The following PIK3CD variants were observed in gnomAD, a reference collection of about 807,000 sequenced individuals.
PIK3CD encodes the protein phosphatidylinositol-4,5-bisphosphate 3-kinase catalytic subunit delta.
PIK3CD carries 20 observed loss-of-function variants against 122.9 expected under a neutral mutation model. The observed-to-expected ratio is 0.16, with a 90% CI of 0.11 to 0.24. The LOEUF (loss-of-function observed/expected upper bound fraction) is 0.24. Among genes scored for constraint, PIK3CD ranks in the 10% least tolerant of loss-of-function variants. PIK3CD has a pLI of 1.00. For missense variants in PIK3CD, 787 were observed against 1,406.3 expected, an observed-to-expected ratio of 0.56 and a Z score of 7.04; for synonymous variants, 596 against 593.4, an observed-to-expected ratio of 1.00 and a Z score of -0.06.
chr1:9,722,611 G>A lies in PIK3CD; in HGVS notation c.2426+5G>A. On this transcript the variant is annotated splice_donor_5th_base_variant and intron_variant, in intron 19 of 23. Coordinates refer to ENST00000377346, the MANE Select transcript of PIK3CD (RefSeq NM_005026.5). This position sits in a 1 kb window ranked among gnomAD's most constrained non-coding sequence, Gnocchi z 7.6. ...GCAGGAGGGGCTGGACCTGAGGTGAGGACCCCCACCCCACATCGTCCCTTG... is the reference window on the plus strand; with the variant it reads ...GCAGGAGGGGCTGGACCTGAGGTGAAGACCCCCACCCCACATCGTCCCTTG... 1 of 1,611,594 alleles carries A rather than the reference G, an allele frequency of 6.2e-7. No homozygotes were observed. Among genetic ancestry groups the A allele is most frequent in the Non-Finnish European group, 8.5e-7 (1 of 1,178,068 alleles).
chr1:9,649,414 G>A (rs1254973438), upstream of PIK3CD, among the ~76,000 whole-genome samples: 1 of 151,824 alleles, frequency 6.6e-6, no homozygotes, highest in African/African-American at 2.4e-5. Context: ...CTATTTTTTT[G>A]TAGAGACTGG....
At chr1:9,705,179 C>G (rs2100692485) in intron 2 of PIK3CD, among the ~76,000 whole-genome samples, 1 of 152,170 alleles carries the variant, frequency 6.6e-6, no homozygotes, top group African/African-American at 2.4e-5. Flanking sequence ...TTAAAAACTT[C>G]TACTCACCAG....
chr1:9,718,672 A>G lies in PIK3CD; in HGVS notation c.1021-22A>G. ...GGGCTGGGCCTCTGCCTCCTCACCCATCATCCCGGCACCTTCTACAGCTGG... is the reference window on the plus strand; with the variant it reads ...GGGCTGGGCCTCTGCCTCCTCACCCGTCATCCCGGCACCTTCTACAGCTGG... On this transcript the variant is annotated intron_variant, in intron 8 of 23. Transcript: ENST00000377346. The surrounding 1 kb of genome is among the most constrained non-coding windows in gnomAD (Gnocchi z 7.2). 1.3e-6 allele frequency: 2 copies of G among 1,599,076 alleles called. No individual in the cohort carries two copies. The highest frequency in any genetic ancestry group is 2.2e-5 in the South Asian group (2 of 91,008).
chr1:9,720,709 A>G lies in PIK3CD; in HGVS notation c.1522-33A>G. The G allele has an allele frequency of 6.3e-7, 1 of 1,599,288 alleles. No homozygotes were observed. Among genetic ancestry groups the G allele is most frequent in the Non-Finnish European group, 8.5e-7 (1 of 1,175,104 alleles). On this transcript the variant is annotated intron_variant, in intron 12 of 23. Transcript: ENST00000377346. The surrounding 1 kb of genome is among the most constrained non-coding windows in gnomAD (Gnocchi z 9.0). ...GTGGGGGGCATGGAGCCGGCGTGGA[A>G]CCAGAGCCCTCACTCCTGCCCACAC...
chr1:9,708,026 C>A (rs1030002190), intron 2 of PIK3CD, among the ~76,000 whole-genome samples: 1 of 151,900 alleles, frequency 6.6e-6, no homozygotes, highest in Non-Finnish European at 1.5e-5. Flanking sequence ...GATCTCCTGA[C>A]CTCGTGATCC....
At position 9,718,235 on chromosome 1, in the gene PIK3CD, A is replaced by C; in HGVS notation, c.1021-459A>C. ...GCAGGTCTGGGTTCCACTGGCAGGA[A>C]TCGAGGGGGACTGGATCAGAGGGAC... On this transcript the variant is annotated intron_variant, in intron 8 of 23. Coordinates refer to ENST00000377346, the MANE Select transcript of PIK3CD (RefSeq NM_005026.5). This position sits in a 1 kb window ranked among gnomAD's most constrained non-coding sequence, Gnocchi z 7.2. 2 of 466,672 alleles carry C rather than the reference A, an allele frequency of 4.3e-6. No homozygotes were observed. The highest frequency in any genetic ancestry group is 2.3e-5 in the Admixed American group (1 of 42,804). The allele number at this position is 466,672 out of a possible 1,614,324, so 28.9% of individuals were successfully genotyped here.
chr1:9,712,561 G>A (rs193184968), intron 3 of PIK3CD, among the ~76,000 whole-genome samples: 7 of 152,116 alleles, frequency 4.6e-5, no homozygotes, highest in Middle Eastern at 3.2e-3. Context: ...GATTACAGCC[G>A]TGAGCCATGG....
At position 9,691,530 on chromosome 1, in the gene PIK3CD, C is replaced by G; in HGVS notation, c.-74C>G. The G allele has an allele frequency of 2.5e-6, 1 of 398,352 alleles. No individual in the cohort carries two copies. The highest frequency in any genetic ancestry group is 3.6e-5 in the East Asian group (1 of 28,070). 24.7% of individuals were successfully genotyped at this position (398,352 alleles called of 1,614,324 possible). ...TCTAAAGCATCTTTAATCTGCCAGG[C>G]GGAGGGGGCTTTGCTGGTCTTTCTT... On this transcript the variant is annotated 5_prime_UTR_variant, in exon 2 of 24. Transcript: ENST00000377346.
intron 23 of PIK3CD, among the ~76,000 whole-genome samples, chr1:9,725,383 G>A (rs1053692910): frequency 1.3e-5 from 2 of 151,714 alleles, no homozygotes; most frequent in African/African-American, 2.4e-5. Context: ...GAGAAACCCC[G>A]TCTCTACTAA....
chr1:9,694,219 T>C (rs536799556), intron 2 of PIK3CD, among the ~76,000 whole-genome samples: 2 of 152,326 alleles, frequency 1.3e-5, no homozygotes, highest in African/African-American at 4.8e-5. Context: ...ATATTGACAT[T>C]GAGGGGGACC....
rs1647636116 is a variant in PIK3CD, at chr1:9,717,240, A to G, written c.930+132A>G. ...CTGGGGCTTTGAGCTGGGGAAGCCA[A>G]CACAGCTGACCAGCGTCCTGGGCTG... On this transcript the variant is annotated intron_variant, in intron 7 of 23. Transcript: ENST00000377346. The surrounding 1 kb of genome is among the most constrained non-coding windows in gnomAD (Gnocchi z 5.4). 1.7e-6 allele frequency: 2 copies of G among 1,184,290 alleles called. No individual in the cohort carries two copies. The highest frequency in any genetic ancestry group is 2.5e-6 in the Non-Finnish European group (2 of 814,788). The allele number at this position is 1,184,290 out of a possible 1,614,324, so 73.4% of individuals were successfully genotyped here. A position where few individuals can be genotyped will look rare whatever the true frequency, so the allele number is the denominator to read the frequency against.
chr1:9,667,908 G>GTTTTT (rs745429754), intron 1 of PIK3CD, among the ~76,000 whole-genome samples: 22 of 55,156 alleles, frequency 4.0e-4, no homozygotes, highest in African/African-American at 8.9e-4. Context: ...GCTAATTTTT[G>GTTTTT]TTTTTTTTTT....
At chr1:9,665,617 G>A (rs974730873) in intron 1 of PIK3CD, among the ~76,000 whole-genome samples, 4 of 151,816 alleles carry the variant, frequency 2.6e-5, no homozygotes, top group African/African-American at 9.7e-5. Context: ...GGATTTACAC[G>A]CTTCCTGGTT....
chr1:9,683,921 C>T (rs886846974), intron 1 of PIK3CD, among the ~76,000 whole-genome samples: 1 of 152,248 alleles, frequency 6.6e-6, no homozygotes, highest in South Asian at 2.1e-4. Context: ...AGGTTGGGCT[C>T]AGGTGGGACT....
At chr1:9,667,161 G>A (rs1271588759) in intron 1 of PIK3CD, among the ~76,000 whole-genome samples, 1 of 152,070 alleles carries the variant, frequency 6.6e-6, no homozygotes, top group Non-Finnish European at 1.5e-5. Flanking sequence ...ACTGCGCCCA[G>A]CCAAAAATTG....
At chr1:9,684,057 C>G (rs960637996) in intron 1 of PIK3CD, among the ~76,000 whole-genome samples, 2 of 152,102 alleles carry the variant, frequency 1.3e-5, no homozygotes, top group Admixed American at 6.6e-5. Flanking sequence ...GCATTCTAAC[C>G]AAGGAGGAAG....
At chr1:9,639,744 C>G in the PIK3CD span, among the ~76,000 whole-genome samples, 1 of 152,042 alleles carries the variant, frequency 6.6e-6, no homozygotes. Flanking sequence ...TTTGTTGTTT[C>G]TTTGAGACAG....
chr1:9,638,329 C>T, the PIK3CD span, among the ~76,000 whole-genome samples: 3 of 151,994 alleles, frequency 2.0e-5, no homozygotes, highest in Non-Finnish European at 2.9e-5. Context: ...TACCTGAGAG[C>T]CGTTATCTGC....
chr1:9,721,039 A>G lies in PIK3CD; in HGVS notation c.1690-88A>G. The G allele has an allele frequency of 6.4e-6, 9 of 1,407,154 alleles. 1 individual carries two copies. In the South Asian group the frequency reaches 1.1e-4, roughly 17 times the overall value. 87.2% of individuals were successfully genotyped at this position (1,407,154 alleles called of 1,614,324 possible). ...TTCACCCTGACCCTGGCCACCCACC[A>G]CCCTGACCCTGGCTGGCCATCACCC... On this transcript the variant is annotated intron_variant, in intron 13 of 23. Coordinates refer to ENST00000377346, the MANE Select transcript of PIK3CD (RefSeq NM_005026.5).
Sources: allele counts gnomAD v4.1 joint callset (sites outside exome capture counted in the v4.1 genomes callset), GRCh38; gene constraint gnomAD v4.1.1; non-coding constraint Gnocchi (gnomAD v3.1); transcripts MANE v1.5; gene names NCBI Gene and HGNC (gene_info 2026-07-23, HGNC 2026-07-21).